SULT6B1: variants seen among roughly 807,000 people sequenced by gnomAD.
The protein encoded by SULT6B1 is sulfotransferase 6B1.
In SULT6B1, 44 loss-of-function variants were observed where a neutral mutation model predicts 37.2. That is an observed-to-expected ratio of 1.18 (90% CI 0.93 to 1.52). The LOEUF is 1.52. Among genes scored for constraint, SULT6B1 ranks in the 40% most tolerant of loss-of-function variants. The pLI, the probability that SULT6B1 is intolerant of heterozygous loss-of-function variation, is 0.00. For synonymous variants in SULT6B1, 140 were observed against 126.0 expected (o/e 1.11, Z -0.74); for missense variants, 450 against 361.0 (o/e 1.25, Z -2.00).
At position 37,171,407 on chromosome 2, in the gene SULT6B1, C is replaced by T. The variant is rs769470754; in HGVS notation, c.781+27G>A. ...TGCAAAGTCAGTCCCTAACTGATAA[C>T]AATCCCAGAAACCAATGCGACTTTA... On this transcript the variant is annotated intron_variant, in intron 6 of 6. Transcript: ENST00000535679. 3.9e-5 allele frequency: 62 copies of T among 1,604,616 alleles called. No individual in the cohort carries two copies. In the Admixed American group the frequency reaches 4.3e-4, roughly 11 times the overall value.
Position 37,171,441 on chromosome 2 carries a change from G to GA in SULT6B1, c.773dup (p.Arg259ProfsTer4). 6.2e-7 allele frequency: 1 copy of GA among 1,613,208 alleles called. No homozygotes were observed. The highest frequency in any genetic ancestry group is 1.1e-5 in the South Asian group (1 of 90,808). ...AAACCAATGCGACTTTACCTTTGCGGAAAAGGAATGGGCCGACAGCACCGT... is the reference window on the plus strand; with the variant it reads ...AAACCAATGCGACTTTACCTTTGCGGAAAAAGGAATGGGCCGACAGCACCGT... On this transcript the variant is annotated frameshift_variant, in exon 6 of 7. Coordinates refer to ENST00000535679, the MANE Select transcript of SULT6B1 (RefSeq NM_001367551.1). LOFTEE classifies it high-confidence loss of function.
At chr2:37,182,576 A>ACG (rs1676579043) in intron 3 of SULT6B1, among the ~76,000 whole-genome samples, 1 of 152,038 alleles carries the variant, frequency 6.6e-6, no homozygotes, top group Non-Finnish European at 1.5e-5. Context: ...TGATCTGCCC[A>ACG]CCTCGGCCTC....
chr2:37,177,800 C>T (rs549897441), intron 4 of SULT6B1, among the ~76,000 whole-genome samples: 14 of 152,206 alleles, frequency 9.2e-5, no homozygotes, highest in Middle Eastern at 3.4e-3. Context: ...ATTGTGTATA[C>T]GGTGAAACAT....
At chr2:37,192,854 C>T (rs1004627340), upstream of SULT6B1, among the ~76,000 whole-genome samples, 1 of 152,122 alleles carries the variant, frequency 6.6e-6, no homozygotes, top group African/African-American at 2.4e-5. Context: ...AACTCTGATT[C>T]TTAGTTTGTC....
intron 6 of SULT6B1, among the ~76,000 whole-genome samples, chr2:37,170,477 T>C (rs1021326511): frequency 2.9e-4 from 41 of 141,572 alleles, no homozygotes; most frequent in African/African-American, 9.8e-4. Context: ...AAAAAAAATA[T>C]ATAAAATAAA....
upstream of SULT6B1, chr2:37,189,733 T>C (rs978860319): frequency 4.6e-5 from 7 of 152,236 alleles, no homozygotes; most frequent in Non-Finnish European, 7.3e-5. Context: ...GAACATTTCC[T>C]AGGGTACGCT....
At chr2:37,174,172 C>T (rs1447916400) in intron 5 of SULT6B1, among the ~76,000 whole-genome samples, 1 of 151,712 alleles carries the variant, frequency 6.6e-6, no homozygotes, top group Non-Finnish European at 1.5e-5. Flanking sequence ...CCACTTCCCT[C>T]AGATCTTTGC....
intron 2 of SULT6B1, 43 bp from the exon 3 acceptor site, chr2:37,183,557 C>A: frequency 6.8e-7 from 1 of 1,460,926 alleles, no homozygotes; most frequent in South Asian, 1.1e-5. Flanking sequence ...CACGTGTGTG[C>A]ATGTGTGTGT....
At chr2:37,174,602 A>G (rs1676374282) in intron 5 of SULT6B1, among the ~76,000 whole-genome samples, 1 of 151,808 alleles carries the variant, frequency 6.6e-6, no homozygotes. Flanking sequence ...TTTTTCTCAC[A>G]TACTATATAC....
chr2:37,192,122 C>T (rs1307106271), upstream of SULT6B1, among the ~76,000 whole-genome samples: 1 of 152,100 alleles, frequency 6.6e-6, no homozygotes, highest in African/African-American at 2.4e-5. Flanking sequence ...GGTTAAGCAG[C>T]CAAGAAAAAA....
chr2:37,175,172 C>A lies in SULT6B1; in HGVS notation c.584G>T (p.Gly195Val), dbSNP rs771315119. ...FAINWNKHLD[G>V]DNVKFILYED... ...ATATAATATGAACTTAACATTGTCG[C>A]CATCAAGATGTTTGTTCCAATTGAT... Residue 195 changes from glycine (G) to valine (V), a missense_variant, in exon 5 of 7, where the codon GGC becomes GTC. By Grantham distance (109) the Gly-to-Val change is moderately radical. Transcript: ENST00000535679. 7.0e-6 allele frequency: 11 copies of A among 1,579,594 alleles called. No homozygotes were observed. Among genetic ancestry groups the A allele is most frequent in the Non-Finnish European group, 9.5e-6 (11 of 1,161,460 alleles).
Position 37,179,493 on chromosome 2 carries a change from C to A in SULT6B1, c.494G>T (p.Trp165Leu). The A allele has an allele frequency of 6.2e-7, 1 of 1,613,982 alleles. No homozygotes were observed. The highest frequency in any genetic ancestry group is 1.1e-5 in the South Asian group (1 of 91,058). ...DVPDIPSYGSWDEFFRQFMKG... is the reference protein window; with the variant it reads ...DVPDIPSYGSLDEFFRQFMKG... ...CATGAACTGTCTGAAGAATTCATCCCAAGAGCCATAGCTTGGAATATCGGG... is the reference window on the plus strand; with the variant it reads ...CATGAACTGTCTGAAGAATTCATCCAAAGAGCCATAGCTTGGAATATCGGG... The change falls in exon 4 of 7, where the codon TGG becomes TTG. Residue 165 changes from tryptophan (W) to leucine (L), a missense_variant. Coordinates refer to ENST00000535679, the MANE Select transcript of SULT6B1 (RefSeq NM_001367551.1).
rs781593064 is a variant in SULT6B1, at chr2:37,188,622, A to G, written c.19T>C (p.Phe7Leu). 2.9e-6 allele frequency: 4 copies of G among 1,379,404 alleles called. No individual in the cohort carries two copies. The highest frequency in any genetic ancestry group is 4.1e-6 in the Non-Finnish European group (4 of 972,628). 85.4% of individuals were successfully genotyped at this position (1,379,404 alleles called of 1,614,324 possible). Reference protein sequence around the residue: MADKSKFIEYIDEALEK... With the variant: MADKSKLIEYIDEALEK... The stretch of plus-strand genomic sequence containing the variant: ...AAAGCTTCGTCAATGTATTCAATAA[A>G]TTTGGATTTATCAGCCATGGTGGCT... Residue 7 changes from phenylalanine (F) to leucine (L), a missense_variant, in exon 1 of 7, where the codon TTT becomes CTT. Phe to Leu is a conservative substitution (Grantham distance 22). Coordinates refer to ENST00000535679, the MANE Select transcript of SULT6B1 (RefSeq NM_001367551.1).
chr2:37,188,716 CTGGAATAA>C (rs1282192433), upstream of SULT6B1: 6 of 596,298 alleles, frequency 1.0e-5, no homozygotes, highest in Non-Finnish European at 1.5e-5. Context: ...TGGGCAGGGG[CTGGAATAA>C]AGGGCTCCTC....
chr2:37,194,911 TC>T (rs1676873718), intron 1 of SULT6B1, among the ~76,000 whole-genome samples: 1 of 27,818 alleles, frequency 3.6e-5, no homozygotes, highest in Non-Finnish European at 5.9e-5. Flanking sequence ...CTTCCTTCCT[TC>T]CTTCCTTCCT....
Position 37,183,303 on chromosome 2 carries a change from A to C in SULT6B1, c.402+122T>G, listed in dbSNP as rs1220906426. 5 of 763,874 alleles carry C rather than the reference A, an allele frequency of 6.5e-6. No individual in the cohort carries two copies. In the South Asian group the frequency reaches 1.1e-4, roughly 16 times the overall value. The allele number at this position is 763,874 out of a possible 1,614,324, so 47.3% of individuals were successfully genotyped here. A position where few individuals can be genotyped will look rare whatever the true frequency, so the allele number is the denominator to read the frequency against. ...TCAAGAAAGAAACAAAAACAAAAAA[A>C]CTAAATGTCACAGTTCATTTATTAA... On this transcript the variant is annotated intron_variant, in intron 3 of 6. Transcript: ENST00000535679.
chr2:37,168,051 A>G lies in SULT6B1; in HGVS notation c.796T>C (p.Trp266Arg). 6.3e-7 allele frequency: 1 copy of G among 1,593,814 alleles called. No individual in the cohort carries two copies. The highest frequency in any genetic ancestry group is 8.5e-7 in the Non-Finnish European group (1 of 1,175,040). Residue 266 changes from tryptophan to arginine, a missense_variant, in exon 7 of 7, where the codon TGG becomes CGG. Physicochemically the swap from Trp to Arg is moderately radical, Grantham distance 101 (BLOSUM62 -3). Coordinates refer to ENST00000535679, the MANE Select transcript of SULT6B1 (RefSeq NM_001367551.1). ...FLFRKGEVGD[W>R]KNLFSEIQNQ... ...TGAATTTCACTGAACAAATTTTTCCAATCACCAACTTCACCTACAACACAC... is the reference window on the plus strand; with the variant it reads ...TGAATTTCACTGAACAAATTTTTCCGATCACCAACTTCACCTACAACACAC...
intron 4 of SULT6B1, among the ~76,000 whole-genome samples, chr2:37,177,689 T>C (rs1676461880): frequency 6.6e-6 from 1 of 152,150 alleles, no homozygotes; most frequent in Admixed American, 6.6e-5. Context: ...CCATATAATA[T>C]TCGTTAAAAG....
intron 2 of SULT6B1, 118 bp downstream of exon 2, chr2:37,187,237 A>G (rs1410786584): frequency 7.5e-6 from 5 of 667,018 alleles, no homozygotes; most frequent in Admixed American, 5.3e-5. Context: ...GTAAGCACAC[A>G]GTAAATTGTG....
Sources: gnomAD v4.1 joint callset for allele counts (sites outside exome capture counted in the v4.1 genomes callset) on GRCh38, gnomAD v4.1.1 for gene constraint, MANE v1.5 for transcripts, NCBI Gene and HGNC (gene_info 2026-07-23, HGNC 2026-07-21) for gene names.